The following CSMD1 variants were observed in gnomAD, a reference collection of about 807,000 sequenced individuals.
CSMD1 encodes the protein CUB and sushi domain-containing protein 1.
In CSMD1, 213 loss-of-function variants were observed where a neutral mutation model predicts 417.5. The observed-to-expected ratio is 0.51, with a 90% CI of 0.46 to 0.57. CSMD1 has a LOEUF of 0.57. Among genes scored for constraint, CSMD1 ranks in the 20% least tolerant of loss-of-function variants. The probability of loss-of-function intolerance (pLI) is 0.00; values close to 1 mark genes in which losing one functional copy is unlikely to be tolerated. For synonymous variants in CSMD1, 2,862 were observed against 1,736.8 expected, an observed-to-expected ratio of 1.65 and a Z score of -16.11; for missense variants, 6,923 against 4,529.7, an observed-to-expected ratio of 1.53 and a Z score of -15.17.
chr8:3,696,505 A>C (rs189647172), intron 7 of CSMD1, among the ~76,000 whole-genome samples: 31 of 152,376 alleles, frequency 2.0e-4, no homozygotes, highest in Admixed American at 3.3e-4. Context: ...GTGACGAAAG[A>C]AATGCTAAAG....
intron 10 of CSMD1, among the ~76,000 whole-genome samples, chr8:3,514,715 C>G (rs1250343649): frequency 1.3e-5 from 2 of 152,048 alleles, no homozygotes; most frequent in Admixed American, 6.5e-5. Context: ...GAAGCTGAAC[C>G]ATGATATTAA....
chr8:4,228,791 C>T (rs1035691590), intron 3 of CSMD1, among the ~76,000 whole-genome samples: 3 of 152,152 alleles, frequency 2.0e-5, no homozygotes, highest in South Asian at 2.1e-4. Context: ...TCAAAAGATT[C>T]TCCTGCTTCT....
chr8:4,025,878 G>C (rs1027959579), intron 4 of CSMD1, among the ~76,000 whole-genome samples: 1 of 151,886 alleles, frequency 6.6e-6, no homozygotes, highest in African/African-American at 2.4e-5. Flanking sequence ...AGAACATCAC[G>C]GCTACATATA....
At chr8:4,650,060 A>G (rs1803787539) in intron 1 of CSMD1, among the ~76,000 whole-genome samples, 1 of 152,230 alleles carries the variant, frequency 6.6e-6, no homozygotes, top group Non-Finnish European at 1.5e-5. Context: ...GTGAATATGT[A>G]GAAGACACCA....
At chr8:3,549,620 G>A (rs1048192514) in intron 10 of CSMD1, among the ~76,000 whole-genome samples, 2 of 152,126 alleles carry the variant, frequency 1.3e-5, no homozygotes, top group Non-Finnish European at 2.9e-5. Flanking sequence ...TTTAAAAACA[G>A]GAGGAGAAAC....
chr8:4,931,310 C>T (rs146253183), intron 1 of CSMD1, among the ~76,000 whole-genome samples: 175 of 152,206 alleles, frequency 1.1e-3, no homozygotes, highest in African/African-American at 3.9e-3. Context: ...CATAGTTCTC[C>T]TTCTGGTCGC....
At chr8:3,345,402 G>C (rs961151116) in intron 22 of CSMD1, among the ~76,000 whole-genome samples, 26 of 152,062 alleles carry the variant, frequency 1.7e-4, no homozygotes, top group African/African-American at 5.3e-4. Flanking sequence ...CGAAACCCCA[G>C]AGAAAGTGTA....
chr8:3,522,067 G>A (rs1461425039), intron 10 of CSMD1, among the ~76,000 whole-genome samples: 3 of 152,084 alleles, frequency 2.0e-5, no homozygotes, highest in South Asian at 4.2e-4. Context: ...TCTCCTTATA[G>A]ATATTTGGGA....
intron 1 of CSMD1, among the ~76,000 whole-genome samples, chr8:4,911,148 G>A (rs892105097): frequency 6.6e-6 from 1 of 152,082 alleles, no homozygotes; most frequent in Non-Finnish European, 1.5e-5. Context: ...TCCAGTCTTG[G>A]GTATGTCTTT....
chr8:4,312,604 C>G (rs11136727), intron 3 of CSMD1, among the ~76,000 whole-genome samples: 81,447 of 148,316 alleles, frequency 0.55, 24,993 homozygotes, highest in Admixed American at 0.72. Context: ...TGGCCAGGCA[C>G]AGTGTCTCAC....
At chr8:4,973,859 C>T (rs552467134) in intron 1 of CSMD1, among the ~76,000 whole-genome samples, 5 of 152,220 alleles carry the variant, frequency 3.3e-5, no homozygotes, top group East Asian at 1.9e-4. Flanking sequence ...TTCAAATCAA[C>T]GTGACAAATC....
intron 3 of CSMD1, among the ~76,000 whole-genome samples, chr8:4,089,846 A>G (rs887254244): frequency 6.6e-6 from 1 of 152,172 alleles, no homozygotes. Context: ...TCTGGAATGA[A>G]TGGTGGTGGG....
At chr8:3,782,068 G>C (rs1247250848) in intron 5 of CSMD1, among the ~76,000 whole-genome samples, 3 of 152,094 alleles carry the variant, frequency 2.0e-5, no homozygotes, top group Non-Finnish European at 2.9e-5. Flanking sequence ...TACTTGGAAG[G>C]AGAGTTTGAT....
At chr8:3,041,070 T>G (rs551668335) in intron 50 of CSMD1, among the ~76,000 whole-genome samples, 26 of 152,296 alleles carry the variant, frequency 1.7e-4, no homozygotes, top group Middle Eastern at 3.4e-3. Flanking sequence ...AAATAATAAT[T>G]TTCTTAACCA....
intron 1 of CSMD1, among the ~76,000 whole-genome samples, chr8:4,816,188 AT>A (rs1280595783): frequency 7.1e-6 from 1 of 140,666 alleles, no homozygotes; most frequent in Non-Finnish European, 1.6e-5. Flanking sequence ...CACACTTGTT[AT>A]TTGCTTTTTT....
At chr8:4,965,529 C>T (rs1181590121) in intron 1 of CSMD1, among the ~76,000 whole-genome samples, 13 of 152,156 alleles carry the variant, frequency 8.5e-5, no homozygotes, top group Non-Finnish European at 1.8e-4. Flanking sequence ...GGGCATGTGG[C>T]CCTGGCCAAA....
chr8:4,036,426 A>G (rs1288148774), intron 3 of CSMD1, among the ~76,000 whole-genome samples: 1 of 152,222 alleles, frequency 6.6e-6, no homozygotes, highest in Non-Finnish European at 1.5e-5. Context: ...TTTCTGAAGG[A>G]AAAATATCAT....
chr8:3,482,510 C>T (rs1817805583), intron 11 of CSMD1, among the ~76,000 whole-genome samples: 1 of 152,164 alleles, frequency 6.6e-6, no homozygotes, highest in Non-Finnish European at 1.5e-5. Context: ...ATCAGAGCTT[C>T]ACGACAAGAA....
intron 3 of CSMD1, among the ~76,000 whole-genome samples, chr8:4,233,042 G>T (rs1563312225): frequency 2.0e-5 from 3 of 152,114 alleles, no homozygotes; most frequent in Non-Finnish European, 4.4e-5. Flanking sequence ...AAACCACAAG[G>T]ATATGTTGCT....
Sources: gnomAD v4.1 joint callset for allele counts (sites outside exome capture counted in the v4.1 genomes callset) on GRCh38, gnomAD v4.1.1 for gene constraint, MANE v1.5 for transcripts, NCBI Gene and HGNC (gene_info 2026-07-23, HGNC 2026-07-21) for gene names.